PMP22: variants seen among roughly 807,000 people sequenced by gnomAD.
PMP22 encodes the protein peripheral myelin protein 22.
Under a neutral mutation model 18.9 loss-of-function variants are expected in PMP22, and 2 were observed. The observed-to-expected ratio is 0.11, with a 90% CI of 0.04 to 0.33. PMP22 has a LOEUF of 0.33. Among genes scored for constraint, PMP22 ranks in the 10% least tolerant of loss-of-function variants. PMP22 has a pLI of 1.00. For missense variants in PMP22, 169 were observed against 202.2 expected, an observed-to-expected ratio of 0.84 and a Z score of 1.00; for synonymous variants, 95 against 89.2, an observed-to-expected ratio of 1.07 and a Z score of -0.37.
In PMP22 at chr17:15,249,721, G is replaced by A. The variant is rs77682256; in HGVS notation, c.178+9373C>T. Among the ~76,000 whole-genome samples the A allele has an allele frequency of 7.8e-3, 1,189 of 152,276 alleles. 76 individuals are homozygous for A. The East Asian group carries it at 0.14, about 18-fold the overall frequency. On this transcript the variant is annotated intron_variant, in intron 3 of 4. Coordinates refer to ENST00000312280, the MANE Select transcript of PMP22 (RefSeq NM_000304.4). ...AAGGAAGGAAAGAAAAACTGCAATC[G>A]TCAACTGTTTGAAGAGTCATCGTGT... is the stretch of plus-strand genomic sequence containing the variant.
intron 3 of PMP22, among the ~76,000 whole-genome samples, chr17:15,240,594 C>T (rs1387671921): frequency 6.6e-6 from 1 of 152,016 alleles, no homozygotes; most frequent in Non-Finnish European, 1.5e-5. Flanking sequence ...TTCTTCAGTT[C>T]ACCATCCGCT....
In PMP22 at chr17:15,231,030, A is replaced by G. The variant is rs576618192; in HGVS notation, c.370T>C (p.Trp124Arg). ...TAGGAGTAATCCGAGTTGAGATGCC[A>G]CTCCGGGTGCCTCACCGTGTAGATG... ...AAIYTVRHPE[W>R]HLNSDYSYGF... Residue 124 changes from tryptophan to arginine, a missense_variant, in exon 5 of 5, where the codon TGG (tryptophan) becomes CGG (arginine). Coordinates refer to ENST00000312280, the MANE Select transcript of PMP22 (RefSeq NM_000304.4). 1.9e-6 allele frequency: 3 copies of G among 1,614,068 alleles called. No homozygotes were observed. In the East Asian group the frequency reaches 6.7e-5, roughly 36 times the overall value.
At chr17:15,252,379 T>G (rs1216157659) in intron 3 of PMP22, among the ~76,000 whole-genome samples, 1 of 151,706 alleles carries the variant, frequency 6.6e-6, no homozygotes. Context: ...AACCTATTGA[T>G]AGTCATGAGT....
intron 3 of PMP22, among the ~76,000 whole-genome samples, chr17:15,243,385 T>C (rs1263833125): frequency 6.6e-6 from 1 of 151,764 alleles, no homozygotes; most frequent in African/African-American, 2.4e-5. Context: ...GCTGTCCTAA[T>C]CCATATTGCA....
chr17:15,253,409 C>T lies in PMP22; in HGVS notation c.178+5685G>A, dbSNP rs965165845. Among the ~76,000 whole-genome samples the T allele has an allele frequency of 3.9e-5, 6 of 152,064 alleles. No homozygotes were observed. The East Asian group carries it at 5.8e-4, about 15-fold the overall frequency. ...AAAACAGCCAAAGTGATAAGAATCC[C>T]GTCACCCAAAATAATCACTGAAAAT... On this transcript the variant is annotated intron_variant, in intron 3 of 4. Coordinates refer to ENST00000312280, the MANE Select transcript of PMP22 (RefSeq NM_000304.4).
At chr17:15,257,137 G>C (rs1446335764) in intron 3 of PMP22, among the ~76,000 whole-genome samples, 1 of 152,204 alleles carries the variant, frequency 6.6e-6, no homozygotes, top group African/African-American at 2.4e-5. Flanking sequence ...ATGAACTCAA[G>C]AACATGAGCT....
chr17:15,231,222 G>T, intron 4 of PMP22, 142 bp from the exon 5 acceptor site: 1 of 843,044 alleles, frequency 1.2e-6, no homozygotes, highest in Non-Finnish European at 1.9e-6. Context: ...GTCCAGAATT[G>T]AAAGGAGGTA....
intron 3 of PMP22, among the ~76,000 whole-genome samples, chr17:15,257,141 A>G (rs1332699355): frequency 6.6e-6 from 1 of 152,216 alleles, no homozygotes; most frequent in African/African-American, 2.4e-5. Flanking sequence ...ACTCAAGAAC[A>G]TGAGCTTGGC....
chr17:15,239,506 C>T lies in PMP22; in HGVS notation c.284G>A (p.Arg95Lys), dbSNP rs1555565234. The change falls in exon 4 of 5, where the codon AGG (arginine) becomes AAG (lysine). Residue 95 changes from arginine to lysine, a missense_variant. Transcript: ENST00000312280. ...CQLFTLTKGG[R>K]FYITGIFQIL... Reference sequence around the variant, plus strand: ...TTGGAAGATTCCAGTGATGTAAAACCTGCCCCCCTTGGTGAGGGTGAAGAG... The same window carrying T: ...TTGGAAGATTCCAGTGATGTAAAACTTGCCCCCCTTGGTGAGGGTGAAGAG... 2 of 1,614,192 alleles carry T rather than the reference C, an allele frequency of 1.2e-6. No homozygotes were observed. Among genetic ancestry groups the T allele is most frequent in the Non-Finnish European group, 8.5e-7 (1 of 1,180,004 alleles).
At chr17:15,231,896 C>G (rs150152530) in intron 4 of PMP22, among the ~76,000 whole-genome samples, 120 of 152,284 alleles carry the variant, frequency 7.9e-4, no homozygotes, top group Non-Finnish European at 1.2e-3. Context: ...AAGCCTCCAT[C>G]TTGGGCCCTG....
intron 3 of PMP22, among the ~76,000 whole-genome samples, chr17:15,250,212 C>T (rs1470776388): frequency 6.6e-6 from 1 of 152,188 alleles, no homozygotes; most frequent in Admixed American, 6.5e-5. Context: ...GCCACCGCGC[C>T]CAGCCGAGGT....
At chr17:15,246,179 ATC>A in intron 3 of PMP22, among the ~76,000 whole-genome samples, 1 of 152,364 alleles carries the variant, frequency 6.6e-6, no homozygotes, top group Middle Eastern at 3.4e-3. Flanking sequence ...GAGTGCAAAT[ATC>A]TGCACAGATA....
chr17:15,264,925 G>T (rs1406702602), intron 1 of PMP22, among the ~76,000 whole-genome samples: 2 of 152,112 alleles, frequency 1.3e-5, no homozygotes, highest in African/African-American at 4.8e-5. Context: ...GATGCATTAG[G>T]GTTTCTAGAT....
At chr17:15,242,592 A>G (rs772132404) in intron 3 of PMP22, among the ~76,000 whole-genome samples, 21 of 152,168 alleles carry the variant, frequency 1.4e-4, no homozygotes, top group Non-Finnish European at 2.9e-4. Context: ...TCAAAATATG[A>G]GAAGAAATTG....
At chr17:15,246,907 TA>T (rs1907866385) in intron 3 of PMP22, among the ~76,000 whole-genome samples, 1 of 150,368 alleles carries the variant, frequency 6.7e-6, no homozygotes, top group African/African-American at 2.5e-5. Flanking sequence ...CCGTCTCTAC[TA>T]AAAATACAAA....
chr17:15,263,839 G>A (rs1048513121), intron 1 of PMP22, among the ~76,000 whole-genome samples: 1 of 152,154 alleles, frequency 6.6e-6, no homozygotes, highest in East Asian at 1.9e-4. Flanking sequence ...CCCGTTATAT[G>A]CCAAGCACTT....
At chr17:15,231,632 A>G (rs990815667) in intron 4 of PMP22, among the ~76,000 whole-genome samples, 1 of 152,218 alleles carries the variant, frequency 6.6e-6, no homozygotes, top group Non-Finnish European at 1.5e-5. Context: ...AGCAATGCCT[A>G]TGGGCACTGC....
chr17:15,241,529 T>C (rs1047276166), intron 3 of PMP22, among the ~76,000 whole-genome samples: 1 of 152,202 alleles, frequency 6.6e-6, no homozygotes, highest in African/African-American at 2.4e-5. Context: ...TCTCCAATCC[T>C]GAGATACTGT....
At chr17:15,256,818 T>C (rs1001638756) in intron 3 of PMP22, among the ~76,000 whole-genome samples, 1 of 152,180 alleles carries the variant, frequency 6.6e-6, no homozygotes, top group African/African-American at 2.4e-5. Context: ...CAGCCACAAT[T>C]GTTAAACTCA....
Sources: gnomAD v4.1 joint callset for allele counts (sites outside exome capture counted in the v4.1 genomes callset) on GRCh38, gnomAD v4.1.1 for gene constraint, MANE v1.5 for transcripts, NCBI Gene and HGNC (gene_info 2026-07-23, HGNC 2026-07-21) for gene names.